B3GAT1: variants seen among roughly 807,000 people sequenced by gnomAD.
The protein encoded by B3GAT1 is beta-1,3-glucuronyltransferase 1.
A neutral mutation model predicts 28.4 loss-of-function variants in B3GAT1; 11 were observed. The observed-to-expected ratio is 0.39, with a 90% CI of 0.24 to 0.64. B3GAT1 has a LOEUF of 0.64. Ranked by LOEUF, B3GAT1 falls within the 30% of genes least tolerant of loss-of-function variation. The probability of loss-of-function intolerance (pLI) is 0.50; values close to 1 mark genes in which losing one functional copy is unlikely to be tolerated. For missense variants in B3GAT1, 375 were observed against 491.0 expected, an observed-to-expected ratio of 0.76 and a Z score of 2.23; for synonymous variants, 255 against 223.1, an observed-to-expected ratio of 1.14 and a Z score of -1.27.
At chr11:134,382,610 G>C (rs145736695) in intron 4 of B3GAT1, 100 bp downstream of exon 4, 198 of 1,401,246 alleles carry the variant, frequency 1.4e-4, no homozygotes, top group Non-Finnish European at 1.8e-4. Context: ...GAAAGCCCAG[G>C]CTATTTTGAG....
At chr11:134,395,048 C>T (rs1342388786) in intron 1 of B3GAT1, among the ~76,000 whole-genome samples, 3 of 152,228 alleles carry the variant, frequency 2.0e-5, no homozygotes, top group Non-Finnish European at 2.9e-5. Flanking sequence ...CTGTTGGCCC[C>T]GGCTGGTGTC....
chr11:134,381,679 G>A (rs1944125931), intron 5 of B3GAT1: 2 of 480,152 alleles, frequency 4.2e-6, no homozygotes, highest in South Asian at 5.9e-5. Flanking sequence ...CAAGATGTTT[G>A]GAAGGTGACA....
intron 3 of B3GAT1, 64 bp downstream of exon 3, chr11:134,383,616 T>A: frequency 6.9e-7 from 1 of 1,449,298 alleles, no homozygotes; most frequent in Non-Finnish European, 9.1e-7. Flanking sequence ...CACCCCCTTC[T>A]CGGGAAGCCC....
rs1944310646 is a variant in B3GAT1 at position 134,387,264 on chromosome 11, C to A, written c.112+284G>T. 1.5e-5 allele frequency: 6 copies of A among 395,664 alleles called. No individual in the cohort carries two copies. In the Admixed American group the frequency reaches 2.5e-4, roughly 16 times the overall value. 24.5% of individuals were successfully genotyped at this position (395,664 alleles called of 1,614,324 possible). A position where few individuals can be genotyped will look rare whatever the true frequency, so the allele number is the denominator to read the frequency against. On this transcript the variant is annotated intron_variant, in intron 2 of 5. Transcript: ENST00000312527. ...CCGACCTCAGCACTTCCCCAGGGGG[C>A]AGGGCGTGCCCCCTCCTCTTGGGTG...
chr11:134,408,788 T>G (rs1944788178), intron 1 of B3GAT1, among the ~76,000 whole-genome samples: 1 of 108,658 alleles, frequency 9.2e-6, no homozygotes, highest in Admixed American at 8.8e-5. Flanking sequence ...AGGAGGGAGG[T>G]GGGACAGCCT....
chr11:134,393,877 A>T lies in B3GAT1; in HGVS notation c.-281-5937T>A, dbSNP rs970926513. On this transcript the variant is annotated intron_variant, in intron 1 of 5. Coordinates refer to ENST00000312527, the MANE Select transcript of B3GAT1 (RefSeq NM_054025.3). The surrounding 1 kb of genome is among the most constrained non-coding windows in gnomAD (Gnocchi z 4.0). Reference sequence around the variant, plus strand: ...TCACCCAGGAACCCCAGTGCCCCCAAAGAGAGGGAGGGACAGGCTTTGTCC... The same window carrying T: ...TCACCCAGGAACCCCAGTGCCCCCATAGAGAGGGAGGGACAGGCTTTGTCC... Among the ~76,000 whole-genome samples, 4 of 152,140 alleles carry T rather than the reference A, an allele frequency of 2.6e-5. No individual in the cohort carries two copies. The highest frequency in any genetic ancestry group is 9.7e-5 in the African/African-American group (4 of 41,438).
intron 1 of B3GAT1, 95 bp from the exon 2 acceptor site, chr11:134,388,035 G>A (rs150268700): frequency 7.1e-4 from 324 of 454,838 alleles, no homozygotes; most frequent in African/African-American, 5.8e-3. Context: ...CAGCATCGGG[G>A]GTTCCACAAT....
intron 1 of B3GAT1, among the ~76,000 whole-genome samples, chr11:134,399,022 C>T (rs574817857): frequency 6.6e-6 from 1 of 152,310 alleles, no homozygotes; most frequent in South Asian, 2.1e-4. Context: ...TACCTGCTTG[C>T]AGGCTGGATG....
rs545750211 is a variant in B3GAT1 at position 134,398,117 on chromosome 11, G to A, written c.-281-10177C>T. ...TGTGCTGGCCACCACAGAACTGCCC[G>A]CCTGAGTGACTTCACAGGGCAGCTG... On this transcript the variant is annotated intron_variant, in intron 1 of 5. Coordinates refer to ENST00000312527, the MANE Select transcript of B3GAT1 (RefSeq NM_054025.3). Among the ~76,000 whole-genome samples the A allele has an allele frequency of 3.2e-4, 48 of 152,308 alleles. 1 individual carries two copies. The South Asian group carries it at 9.5e-3, about 30-fold the overall frequency.
rs1944063505 is a variant in B3GAT1, at chr11:134,378,640, C to T, written c.*2122G>A. 6.6e-6 allele frequency: 1 copy of T among 152,242 alleles called. No homozygotes were observed. The highest frequency in any genetic ancestry group is 2.1e-4 in the South Asian group (1 of 4,834). The allele number at this position is 152,242 out of a possible 1,614,324, so 9.4% of individuals were successfully genotyped here. A position where few individuals can be genotyped will look rare whatever the true frequency, so the allele number is the denominator to read the frequency against. The stretch of plus-strand genomic sequence containing the variant: ...TGTTCTTAGAACTCCTAGCCCCTGG[C>T]CTCACTCCTGTGTGGTGGGGCTTGC... On this transcript the variant is annotated 3_prime_UTR_variant, in exon 6 of 6. Coordinates refer to ENST00000312527, the MANE Select transcript of B3GAT1 (RefSeq NM_054025.3).
At chr11:134,392,004 T>C (rs1944420134) in intron 1 of B3GAT1, 1 of 152,252 alleles carries the variant, frequency 6.6e-6, no homozygotes, top group African/African-American at 2.4e-5. Context: ...GTCATGCTGA[T>C]TGCCCTCCTT....
chr11:134,392,005 T>G (rs1478266059), intron 1 of B3GAT1: 1 of 152,272 alleles, frequency 6.6e-6, no homozygotes, highest in African/African-American at 2.4e-5. Flanking sequence ...TCATGCTGAT[T>G]GCCCTCCTTG....
rs1944085313 is a variant in B3GAT1, at chr11:134,379,791, C to CCACCCACCGCCTTGCCCAT, written c.*970_*971insATGGGCAAGGCGGTGGGTG. The CCACCCACCGCCTTGCCCAT allele has an allele frequency of 6.5e-6, 1 of 152,682 alleles. No individual in the cohort carries two copies. The highest frequency in any genetic ancestry group is 2.1e-4 in the South Asian group (1 of 4,824). The allele number at this position is 152,682 out of a possible 1,614,324, so 9.5% of individuals were successfully genotyped here. On this transcript the variant is annotated 3_prime_UTR_variant, in exon 6 of 6. Coordinates refer to ENST00000312527, the MANE Select transcript of B3GAT1 (RefSeq NM_054025.3). Reference sequence around the variant, plus strand: ...GCTGCAGGAGGTCCCACCTTGCCCACCACCCACCGCCTTGCCCACTGCCCA... The same window carrying CCACCCACCGCCTTGCCCAT: ...GCTGCAGGAGGTCCCACCTTGCCCACCACCCACCGCCTTGCCCATCACCCACCGCCTTGCCCACTGCCCA...
intron 1 of B3GAT1, among the ~76,000 whole-genome samples, chr11:134,397,039 C>T (rs1027507658): frequency 2.6e-5 from 4 of 152,208 alleles, no homozygotes; most frequent in African/African-American, 9.7e-5. Flanking sequence ...AAGCAGCTCT[C>T]ATCCAAGCCC....
intron 1 of B3GAT1, chr11:134,391,895 G>C (rs1168051866): frequency 6.6e-6 from 1 of 152,428 alleles, no homozygotes; most frequent in Non-Finnish European, 1.5e-5. Context: ...TGGGAGAGTG[G>C]AGGGTGGTTC....
At position 134,396,872 on chromosome 11, in the gene B3GAT1, A is replaced by G. The variant is rs567556328; in HGVS notation, c.-281-8932T>C. ...GGAGAGGGTCTGGGATCGTCAGAGG[A>G]GAAAACACCAGCACGAGGCCCCTGA... On this transcript the variant is annotated intron_variant, in intron 1 of 5. Transcript: ENST00000312527. Among the ~76,000 whole-genome samples the G allele has an allele frequency of 1.2e-4, 18 of 152,272 alleles. No homozygotes were observed. In the South Asian group the frequency reaches 3.5e-3, roughly 30 times the overall value.
intron 3 of B3GAT1, 101 bp downstream of exon 3, chr11:134,383,579 T>A (rs1007050688): frequency 3.6e-6 from 5 of 1,401,808 alleles, no homozygotes; most frequent in African/African-American, 1.5e-5. Flanking sequence ...GCTTCCCGGG[T>A]TCCCCCTGCG....
intron 1 of B3GAT1, among the ~76,000 whole-genome samples, chr11:134,399,232 A>T (rs1360578667): frequency 6.6e-6 from 1 of 152,178 alleles, no homozygotes; most frequent in Non-Finnish European, 1.5e-5. Context: ...AGCCGTGCAC[A>T]TCATTCCAGC....
chr11:134,384,380 T>A (rs1402935516), intron 2 of B3GAT1, 192 bp from the exon 3 acceptor site: 2 of 694,268 alleles, frequency 2.9e-6, no homozygotes, highest in Non-Finnish European at 4.6e-6. Flanking sequence ...TCTGGGAGGG[T>A]CCTAGCTCTG....
Sources: gnomAD v4.1 joint callset for allele counts (sites outside exome capture counted in the v4.1 genomes callset) on GRCh38, gnomAD v4.1.1 for gene constraint, Gnocchi (gnomAD v3.1) non-coding constraint, MANE v1.5 for transcripts, NCBI Gene and HGNC (gene_info 2026-07-23, HGNC 2026-07-21) for gene names.